Variants in SCN11A observed in about 807,000 individuals in gnomAD.
The protein encoded by SCN11A is sodium channel protein type 11 subunit alpha.
In SCN11A, 122 loss-of-function variants were observed where a neutral mutation model predicts 162.2. That is an observed-to-expected ratio of 0.75 (90% CI 0.65 to 0.87). The LOEUF is 0.87. SCN11A is among the 40% of genes least tolerant of loss of function. The pLI is 0.00. For synonymous variants in SCN11A, 758 were observed against 751.5 expected (o/e 1.01, Z -0.14); for missense variants, 2,015 against 2,181.6 (o/e 0.92, Z 1.52).
chr3:38,979,455 C>A (rs2029932375), intron 2 of SCN11A, among the ~76,000 whole-genome samples: 1 of 152,200 alleles, frequency 6.6e-6, no homozygotes, highest in Admixed American at 6.5e-5. Context: ...CTTTCTGAAT[C>A]TTCTGAGTCC....
intron 18 of SCN11A, among the ~76,000 whole-genome samples, chr3:38,896,105 G>A (rs1355485706): frequency 2.6e-5 from 4 of 152,094 alleles, no homozygotes; most frequent in Admixed American, 1.3e-4. Flanking sequence ...TTCGAAAATA[G>A]AACAGCAGGC....
At chr3:38,852,475 T>C (rs1418383388) in intron 28 of SCN11A, among the ~76,000 whole-genome samples, 1 of 152,118 alleles carries the variant, frequency 6.6e-6, no homozygotes, top group Non-Finnish European at 1.5e-5. Context: ...TTACCTAAAG[T>C]GTTGGATTAC....
At chr3:38,883,099 T>A (rs749683787) in intron 22 of SCN11A, 134 bp downstream of exon 22, 2 of 725,818 alleles carry the variant, frequency 2.8e-6, no homozygotes, top group East Asian at 5.3e-5. Context: ...CCCTGCCCAC[T>A]GCGGGAACCA....
chr3:39,033,563 A>C (rs1465625390), intron 1 of SCN11A, among the ~76,000 whole-genome samples: 1 of 152,212 alleles, frequency 6.6e-6, no homozygotes, highest in Non-Finnish European at 1.5e-5. Context: ...GCAAAGGCTG[A>C]CCTAGGACTT....
At chr3:38,872,379 C>T in intron 23 of SCN11A, 85 bp from the exon 24 acceptor site, 2 of 761,278 alleles carry the variant, frequency 2.6e-6, no homozygotes, top group Non-Finnish European at 4.8e-6. Context: ...ACCAAAGCTA[C>T]AGTCCATAAA....
intron 28 of SCN11A, among the ~76,000 whole-genome samples, chr3:38,855,308 G>T (rs1253054726): frequency 6.6e-6 from 1 of 152,118 alleles, no homozygotes; most frequent in African/African-American, 2.4e-5. Context: ...AATCCCCTCT[G>T]GAACATAACC....
At chr3:38,929,674 A>G (rs1009063250) in intron 7 of SCN11A, among the ~76,000 whole-genome samples, 2 of 152,162 alleles carry the variant, frequency 1.3e-5, no homozygotes, top group Non-Finnish European at 2.9e-5. Flanking sequence ...TTGAAATTTA[A>G]TTGGCATTAT....
chr3:38,902,522 CTT>C (rs200708165), intron 16 of SCN11A, among the ~76,000 whole-genome samples: 9 of 143,938 alleles, frequency 6.3e-5, no homozygotes, highest in Admixed American at 6.9e-5. Flanking sequence ...GCAGTGGGTT[CTT>C]TTTTTTTTTT....
At chr3:38,998,987 G>A (rs988559095) in intron 2 of SCN11A, among the ~76,000 whole-genome samples, 1 of 151,700 alleles carries the variant, frequency 6.6e-6, no homozygotes, top group Admixed American at 6.6e-5. Context: ...CAGCACACCA[G>A]CATGGCACAT....
chr3:38,936,322 C>T (rs1213575165), intron 7 of SCN11A, among the ~76,000 whole-genome samples: 2 of 149,550 alleles, frequency 1.3e-5, no homozygotes, highest in Non-Finnish European at 3.0e-5. Context: ...GACAGGGATG[C>T]CCTCTCTCAC....
intron 1 of SCN11A, among the ~76,000 whole-genome samples, chr3:39,040,512 T>C (rs895121174): frequency 6.6e-6 from 1 of 152,158 alleles, no homozygotes; most frequent in African/African-American, 2.4e-5. Context: ...AACACAATAA[T>C]TCTCCAGTAA....
intron 22 of SCN11A, 25 bp from the exon 23 acceptor site, chr3:38,880,148 G>A (rs199526324): frequency 5.8e-6 from 9 of 1,563,040 alleles, no homozygotes; most frequent in Non-Finnish European, 7.8e-6. Context: ...CATAGCCATA[G>A]GCCAGGTTGA....
intron 27 of SCN11A, among the ~76,000 whole-genome samples, chr3:38,863,653 A>C (rs2064999730): frequency 1.3e-5 from 2 of 152,122 alleles, no homozygotes; most frequent in African/African-American, 4.8e-5. Flanking sequence ...AAATTTAGAC[A>C]AACATCTCAT....
At chr3:38,889,381 T>C (rs1024725201) in intron 19 of SCN11A, among the ~76,000 whole-genome samples, 2 of 151,864 alleles carry the variant, frequency 1.3e-5, no homozygotes, top group East Asian at 3.9e-4. Context: ...GATGAGATTG[T>C]GCCGTTGCAC....
At chr3:38,864,381 A>C (rs1030078995) in intron 27 of SCN11A, among the ~76,000 whole-genome samples, 1 of 152,146 alleles carries the variant, frequency 6.6e-6, no homozygotes, top group Non-Finnish European at 1.5e-5. Context: ...TAGTAATCAT[A>C]TATGTCATAG....
chr3:39,040,998 T>C, intron 1 of SCN11A, among the ~76,000 whole-genome samples: 1 of 151,772 alleles, frequency 6.6e-6, no homozygotes. Context: ...AGGAGAATGG[T>C]GTGAACCCGG....
At chr3:39,037,566 T>C (rs542449251) in intron 1 of SCN11A, among the ~76,000 whole-genome samples, 5 of 152,146 alleles carry the variant, frequency 3.3e-5, no homozygotes, top group Non-Finnish European at 7.4e-5. Flanking sequence ...GCACATTGTA[T>C]GCCTCTATCA....
At chr3:38,991,693 T>C (rs1193106628) in intron 2 of SCN11A, among the ~76,000 whole-genome samples, 1 of 152,272 alleles carries the variant, frequency 6.6e-6, no homozygotes, top group African/African-American at 2.4e-5. Flanking sequence ...GTCATTTACA[T>C]GGCACCTATG....
At position 38,902,207 on chromosome 3, in the gene SCN11A, C is replaced by T. The variant is rs182702064; in HGVS notation, c.1842+1658G>A. On this transcript the variant is annotated intron_variant, in intron 16 of 29. Transcript: ENST00000302328. ...CCCTATAGACACAGCTTGCTGCCTT[C>T]AACTGAAACAATTTCAGCTCATTTC... Among the ~76,000 whole-genome samples the T allele has an allele frequency of 3.9e-4, 60 of 152,264 alleles. 1 individual carries two copies. The East Asian group carries it at 0.011, about 27-fold the overall frequency.
Sources: allele counts gnomAD v4.1 joint callset (sites outside exome capture counted in the v4.1 genomes callset), GRCh38; gene constraint gnomAD v4.1.1; transcripts MANE v1.5; gene names NCBI Gene and HGNC (gene_info 2026-07-23, HGNC 2026-07-21).